The following SLC13A4 variants were observed in gnomAD, a reference collection of about 807,000 sequenced individuals.
SLC13A4 encodes Na(+)/sulfate cotransporter SUT-1.
Under a neutral mutation model 72.7 loss-of-function variants are expected in SLC13A4, and 28 were observed. The ratio of observed to expected loss-of-function variants is 0.39; its 90% confidence interval spans 0.29 to 0.53. The LOEUF (loss-of-function observed/expected upper bound fraction) is 0.53, where lower values mean the gene tolerates loss of function less well. Among genes scored for constraint, SLC13A4 ranks in the 20% least tolerant of loss-of-function variants. SLC13A4 has a pLI of 0.78. For missense variants in SLC13A4, 653 were observed against 788.0 expected (o/e 0.83, Z 2.05); for synonymous variants, 312 against 325.5 (o/e 0.96, Z 0.45).
chr7:135,701,653 C>T lies in SLC13A4; in HGVS notation c.714+27G>A, dbSNP rs80269768. On this transcript the variant is annotated intron_variant, in intron 7 of 15. Transcript: ENST00000682651. ...AGTTCACAGCGTTTCATGTAGGAAA[C>T]AGAGCTAGAAGGGGCCGTTCTATTA... 161 of 1,609,364 alleles carry T rather than the reference C, an allele frequency of 1.0e-4. 1 individual carries two copies. The East Asian group carries it at 3.5e-3, about 35-fold the overall frequency.
At chr7:135,701,825 G>T in intron 6 of SLC13A4, 65 bp from the exon 7 acceptor site, 3 of 1,519,128 alleles carry the variant, frequency 2.0e-6, no homozygotes, top group South Asian at 2.3e-5. Context: ...CCTCGAGAAG[G>T]ACCACCTAGT....
intron 1 of SLC13A4, among the ~76,000 whole-genome samples, chr7:135,725,200 C>T (rs1460412010): frequency 2.0e-5 from 3 of 152,220 alleles, no homozygotes; most frequent in African/African-American, 7.2e-5. Flanking sequence ...GGCATTTCCC[C>T]ATGTAGGACG....
chr7:135,722,592 G>GGA (rs1796572167), intron 1 of SLC13A4, among the ~76,000 whole-genome samples: 1 of 146,456 alleles, frequency 6.8e-6, no homozygotes, highest in African/African-American at 2.5e-5. Context: ...TGTGAGATTT[G>GGA]AAAAAAAAAA....
At position 135,727,660 on chromosome 7, in the gene SLC13A4, C is replaced by T; in HGVS notation, c.-164G>A. ...GAACGGGAGGGCAGTTATACCCTCGCTGTTTCTACAAGAGGCTGGGCTCCT... is the reference window on the plus strand; with the variant it reads ...GAACGGGAGGGCAGTTATACCCTCGTTGTTTCTACAAGAGGCTGGGCTCCT... On this transcript the variant is annotated 5_prime_UTR_variant, in exon 1 of 16. Transcript: ENST00000682651. 1 of 804,086 alleles carries T rather than the reference C, an allele frequency of 1.2e-6. No individual in the cohort carries two copies. The highest frequency in any genetic ancestry group is 1.9e-6 in the Non-Finnish European group (1 of 537,004). 49.8% of individuals were successfully genotyped at this position (804,086 alleles called of 1,614,324 possible).
At chr7:135,697,747 C>T (rs1795935839) in intron 8 of SLC13A4, among the ~76,000 whole-genome samples, 1 of 152,196 alleles carries the variant, frequency 6.6e-6, no homozygotes, top group Non-Finnish European at 1.5e-5. Context: ...TCTGCCCATC[C>T]AGCTCCCTGG....
intron 8 of SLC13A4, among the ~76,000 whole-genome samples, chr7:135,699,064 G>A (rs1203468932): frequency 2.0e-5 from 3 of 152,088 alleles, no homozygotes; most frequent in African/African-American, 4.8e-5. Context: ...AACCTCCTGA[G>A]TAGCTGGGAC....
In SLC13A4 at chr7:135,685,525, G is replaced by A; in HGVS notation, c.1605C>T (p.Ser535=). The change falls in exon 14 of 16, where the codon AGC becomes AGT. Residue 535 remains serine, a synonymous_variant. Transcript: ENST00000682651. ...TITIFLPILC[S]LSETLHINPL... is the part of the protein sequence containing the mutation. ...CTGGGAGCTCCGCATTACTCACCAG[G>A]CTGCACAGGATGGGCAGGAAGATGG... The A allele has an allele frequency of 6.2e-7, 1 of 1,613,964 alleles. No homozygotes were observed. Among genetic ancestry groups the A allele is most frequent in the Non-Finnish European group, 8.5e-7 (1 of 1,179,882 alleles).
At position 135,681,661 on chromosome 7, in the gene SLC13A4, T is replaced by C. The variant is rs759272011; in HGVS notation, c.1786A>G (p.Ile596Val). The C allele has an allele frequency of 6.8e-6, 11 of 1,614,080 alleles. No homozygotes were observed. The highest frequency in any genetic ancestry group is 3.3e-5 in the South Asian group (3 of 91,082). The change falls in exon 16 of 16, where the codon ATA (isoleucine) becomes GTA (valine). Residue 596 changes from isoleucine to valine, a missense_variant. By Grantham distance (29) the Ile-to-Val change is conservative. Transcript: ENST00000682651. Reference protein sequence around the residue: ...GLGVNVIGLVIVMVAINTWGV... With the variant: ...GLGVNVIGLVVVMVAINTWGV... Reference sequence around the variant, plus strand: ...CAGGTGTTGATGGCCACCATTACTATCACCAGTCCAATAACGTTGACTCCC... The same window carrying C: ...CAGGTGTTGATGGCCACCATTACTACCACCAGTCCAATAACGTTGACTCCC...
intron 2 of SLC13A4, among the ~76,000 whole-genome samples, chr7:135,713,483 A>G (rs1429295335): frequency 1.3e-5 from 2 of 152,238 alleles, no homozygotes; most frequent in East Asian, 3.8e-4. Flanking sequence ...TAAGGGCCAC[A>G]GTGATGCTAC....
At chr7:135,684,616 T>TA (rs1482303454) in intron 14 of SLC13A4, among the ~76,000 whole-genome samples, 1 of 152,066 alleles carries the variant, frequency 6.6e-6, no homozygotes, top group Non-Finnish European at 1.5e-5. Flanking sequence ...AAGTGGGGAT[T>TA]CCTCAGTCTT....
In SLC13A4 at chr7:135,706,435, G is replaced by T. The variant is rs200447231; in HGVS notation, c.366-135C>A. 34 of 829,880 alleles carry T rather than the reference G, an allele frequency of 4.1e-5. No individual in the cohort carries two copies. The South Asian group carries it at 6.2e-4, about 15-fold the overall frequency. The allele number at this position is 829,880 out of a possible 1,614,324, so 51.4% of individuals were successfully genotyped here. ...GAAAGGCAGGCATTTGTCCTGCAGG[G>T]TGCCATTCAGCTCTGTACTCCCAAT... On this transcript the variant is annotated intron_variant, in intron 3 of 15. Coordinates refer to ENST00000682651, the MANE Select transcript of SLC13A4 (RefSeq NM_001318192.2).
intron 5 of SLC13A4, 150 bp from the exon 6 acceptor site, chr7:135,703,034 C>T (rs1796077114): frequency 1.6e-6 from 1 of 618,140 alleles, no homozygotes; most frequent in Non-Finnish European, 2.9e-6. Context: ...TCTCCCTTGT[C>T]TTCCTTGCCT....
At chr7:135,685,255 C>T (rs914575530) in intron 14 of SLC13A4, among the ~76,000 whole-genome samples, 1 of 152,198 alleles carries the variant, frequency 6.6e-6, no homozygotes. Context: ...CTTTGGTTTC[C>T]ACTCAGGGCT....
chr7:135,705,507 A>C, intron 5 of SLC13A4, 89 bp downstream of exon 5: 2 of 1,222,754 alleles, frequency 1.6e-6, no homozygotes, highest in Non-Finnish European at 2.4e-6. Context: ...TACATCTCAA[A>C]GAGCTGTTTA....
At chr7:135,716,832 T>C (rs774954566) in intron 2 of SLC13A4, among the ~76,000 whole-genome samples, 3 of 152,184 alleles carry the variant, frequency 2.0e-5, no homozygotes, top group Non-Finnish European at 4.4e-5. Context: ...TTAAGTTATA[T>C]AGTGTGTGTA....
At chr7:135,701,586 C>A in intron 7 of SLC13A4, 94 bp downstream of exon 7, 1 of 1,266,428 alleles carries the variant, frequency 7.9e-7, no homozygotes, top group Non-Finnish European at 1.1e-6. Flanking sequence ...AGCTCACTAG[C>A]CTGATTCCCT....
chr7:135,717,431 G>C (rs936633595), intron 2 of SLC13A4, among the ~76,000 whole-genome samples: 4 of 152,252 alleles, frequency 2.6e-5, no homozygotes, highest in African/African-American at 9.6e-5. Flanking sequence ...TATTTATCTA[G>C]AACATCCCCT....
intron 2 of SLC13A4, among the ~76,000 whole-genome samples, chr7:135,717,779 C>G (rs3112359): frequency 0.3 from 46,034 of 151,996 alleles, 7,424 homozygotes; most frequent in Admixed American, 0.38. Flanking sequence ...GCATTTGAAT[C>G]AGTGGATTGC....
chr7:135,722,489 G>T (rs1050167406), intron 1 of SLC13A4, among the ~76,000 whole-genome samples: 1 of 151,948 alleles, frequency 6.6e-6, no homozygotes, highest in Non-Finnish European at 1.5e-5. Context: ...ATATACCAGG[G>T]GGATCAGCAA....
Sources: allele counts gnomAD v4.1 joint callset (sites outside exome capture counted in the v4.1 genomes callset), GRCh38; gene constraint gnomAD v4.1.1; transcripts MANE v1.5; gene names NCBI Gene and HGNC (gene_info 2026-07-23, HGNC 2026-07-21).